The following TAC1 variants were observed in gnomAD, a reference collection of about 807,000 sequenced individuals.
TAC1 encodes the protein protachykinin-1.
TAC1 carries 12 observed loss-of-function variants against 21.7 expected under a neutral mutation model. The ratio of observed to expected loss-of-function variants is 0.55; its 90% CI spans 0.35 to 0.89. The LOEUF (loss-of-function observed/expected upper bound fraction) is 0.89, where lower values mean the gene tolerates loss of function less well. Ranked by LOEUF, TAC1 falls within the 40% of genes least tolerant of loss-of-function variation. The pLI, the probability that TAC1 is intolerant of heterozygous loss-of-function variation, is 0.01. For synonymous variants in TAC1, 52 were observed against 52.0 expected, an observed-to-expected ratio of 1.00 and a Z score of 0.00; for missense variants, 128 against 151.4, an observed-to-expected ratio of 0.85 and a Z score of 0.81.
chr7:97,734,430 G>T (rs1306354685), intron 4 of TAC1, 138 bp downstream of exon 4: 14 of 693,572 alleles, frequency 2.0e-5, no homozygotes, highest in South Asian at 1.5e-4. Flanking sequence ...ACTCTCTCTC[G>T]GTTTCTCTCT....
In TAC1 at chr7:97,736,306, A is replaced by T; in HGVS notation, c.297A>T (p.Lys99Asn). 1 of 1,611,568 alleles carries T rather than the reference A, an allele frequency of 6.2e-7. No homozygotes were observed. Among genetic ancestry groups the T allele is most frequent in the Non-Finnish European group, 8.5e-7 (1 of 1,178,412 alleles). Reference sequence around the variant, plus strand: ...CTAAATGTATTTTTCCAGGACATAAAACAGATTCCTTTGTTGGACTAATGG... The same window carrying T: ...CTAAATGTATTTTTCCAGGACATAATACAGATTCCTTTGTTGGACTAATGG... ...GHGQISHKRHKTDSFVGLMGK... is the reference protein window; with the variant it reads ...GHGQISHKRHNTDSFVGLMGK... The change falls in exon 6 of 7, where the codon AAA (lysine) becomes AAT (asparagine). Residue 99 changes from lysine (K) to asparagine (N), a missense_variant. By Grantham distance (94) the Lys-to-Asn change is moderately conservative. Coordinates refer to ENST00000319273, the MANE Select transcript of TAC1 (RefSeq NM_003182.3).
chr7:97,738,285 C>A (rs1357124038), intron 6 of TAC1, among the ~76,000 whole-genome samples: 1 of 151,932 alleles, frequency 6.6e-6, no homozygotes, highest in African/African-American at 2.4e-5. Context: ...TAGATAGATG[C>A]CCTTTCCCAG....
rs761221593 is a variant in TAC1 at position 97,734,282 on chromosome 7, G to T, written c.255G>T (p.Lys85Asn). ...TTGAAAAACAAGTGGCCCTGTTAAAGGCTCTTTATGGTAAACATTCCTATA... is the reference window on the plus strand; with the variant it reads ...TTGAAAAACAAGTGGCCCTGTTAAATGCTCTTTATGGTAAACATTCCTATA... Reference protein sequence around the residue: ...SSIEKQVALLKALYGHGQISH... With the variant: ...SSIEKQVALLNALYGHGQISH... The change falls in exon 4 of 7, where the codon AAG (lysine) becomes AAT (asparagine). Residue 85 changes from lysine to asparagine, a missense_variant. Physicochemically the swap from Lys to Asn is moderately conservative, Grantham distance 94. Transcript: ENST00000319273. 5 of 1,613,396 alleles carry T rather than the reference G, an allele frequency of 3.1e-6. No homozygotes were observed. The South Asian group carries it at 5.5e-5, about 18-fold the overall frequency.
At position 97,739,947 on chromosome 7, in the gene TAC1, C is replaced by T. The variant is rs148763537; in HGVS notation, c.*27C>T. ...AAACTACCTAACATTATTTATTCAG[C>T]TTCATTTGTGTCAATGGGCAATGAC... is the stretch of plus-strand genomic sequence containing the variant. On this transcript the variant is annotated 3_prime_UTR_variant, in exon 7 of 7. Coordinates refer to ENST00000319273, the MANE Select transcript of TAC1 (RefSeq NM_003182.3). 1,532 of 1,553,242 alleles carry T rather than the reference C, an allele frequency of 9.9e-4. 25 individuals are homozygous for T. The African/African-American group carries it at 0.019, about 19-fold the overall frequency.
intron 3 of TAC1, 97 bp downstream of exon 3, chr7:97,733,916 T>A (rs759604110): frequency 1.9e-4 from 237 of 1,235,068 alleles, no homozygotes; most frequent in Non-Finnish European, 2.7e-4. Flanking sequence ...TGAATAGAGA[T>A]TTCCACTCCA....
chr7:97,733,865 T>C lies in TAC1; in HGVS notation c.220+46T>C, dbSNP rs376044942. 4.5e-6 allele frequency: 7 copies of C among 1,562,758 alleles called. No homozygotes were observed. The African/African-American group carries it at 6.8e-5, about 15-fold the overall frequency. On this transcript the variant is annotated intron_variant, in intron 3 of 6. Transcript: ENST00000319273. ...TAGGTGTCTTGGGCAGCCCGCCCTG[T>C]CTGCTCACTCCTTCCTGGAGTACCC...
chr7:97,734,000 G>A, intron 3 of TAC1, 181 bp downstream of exon 3: 1 of 701,320 alleles, frequency 1.4e-6, no homozygotes, highest in East Asian at 2.7e-5. Flanking sequence ...CGGGGGGAGG[G>A]AAAGATCTGG....
At chr7:97,736,559 A>G (rs989727354) in intron 6 of TAC1, among the ~76,000 whole-genome samples, 4 of 152,176 alleles carry the variant, frequency 2.6e-5, no homozygotes, top group Middle Eastern at 3.4e-3. Flanking sequence ...TTTCTCTCCA[A>G]TCACCATTCT....
At chr7:97,735,826 C>T (rs1484238917) in intron 5 of TAC1, among the ~76,000 whole-genome samples, 1 of 151,900 alleles carries the variant, frequency 6.6e-6, no homozygotes, top group Non-Finnish European at 1.5e-5. Context: ...CTTTTAATAT[C>T]CAATAAAATA....
chr7:97,732,944 C>T lies in TAC1; in HGVS notation c.123+209C>T. 2 of 623,570 alleles carry T rather than the reference C, an allele frequency of 3.2e-6. No individual in the cohort carries two copies. Among genetic ancestry groups the T allele is most frequent in the Non-Finnish European group, 2.7e-6 (1 of 375,808 alleles). The allele number at this position is 623,570 out of a possible 1,614,324, so 38.6% of individuals were successfully genotyped here. ...GATTCAAGTTTCTTCCCGAGGGCTG[C>T]ACCGTCCGGCCCAGGAACTCCCTGC... On this transcript the variant is annotated intron_variant, in intron 2 of 6. Coordinates refer to ENST00000319273, the MANE Select transcript of TAC1 (RefSeq NM_003182.3). The surrounding 1 kb of genome is among the most constrained non-coding windows in gnomAD (Gnocchi z 6.2).
Position 97,740,244 on chromosome 7 carries a change from GA to G in TAC1, c.*328del. ...TGAAGCAGTTGTGTCAGCTACTGCG[GA>G]AAAGGAAGGAAACTCCTGACAGTCT... On this transcript the variant is annotated 3_prime_UTR_variant, in exon 7 of 7. Transcript: ENST00000319273. 5.5e-6 allele frequency: 1 copy of G among 180,982 alleles called. No homozygotes were observed. Among genetic ancestry groups the G allele is most frequent in the Non-Finnish European group, 1.2e-5 (1 of 86,914 alleles). 11.2% of individuals were successfully genotyped at this position (180,982 alleles called of 1,614,324 possible).
In TAC1 at chr7:97,733,734, G is replaced by A. The variant is rs1435591375; in HGVS notation, c.135G>A (p.Pro45=). 2 of 1,613,940 alleles carry A rather than the reference G, an allele frequency of 1.2e-6. No homozygotes were observed. The highest frequency in any genetic ancestry group is 1.1e-5 in the South Asian group (1 of 91,092). Residue 45 remains proline, a synonymous_variant, in exon 3 of 7, where the codon CCG becomes CCA. Transcript: ENST00000319273. ...CTTTTGTCTCCCAGGAGGAACTGCC[G>A]GAGCCCTTTGAGCATCTTCTGCAGA... ...YDSDQIKEEL[P]EPFEHLLQRI... is the part of the protein sequence containing the mutation.
chr7:97,735,138 A>G (rs2115837389), intron 5 of TAC1, among the ~76,000 whole-genome samples: 1 of 152,268 alleles, frequency 6.6e-6, no homozygotes, highest in Non-Finnish European at 1.5e-5. Flanking sequence ...AATCTACCAT[A>G]CATATTTCTT....
Position 97,734,815 on chromosome 7 carries a change from CT to C in TAC1, c.266-8del. ...ATCTATATGTGTTTGCTAATTTTAT[CT>C]TTCTTCTAGGACATGGCCAGATCTC... On this transcript the variant is annotated splice_polypyrimidine_tract_variant and intron_variant, in intron 4 of 6. Coordinates refer to ENST00000319273, the MANE Select transcript of TAC1 (RefSeq NM_003182.3). 1.3e-6 allele frequency: 2 copies of C among 1,589,066 alleles called. No homozygotes were observed. Among genetic ancestry groups the C allele is most frequent in the Non-Finnish European group, 8.6e-7 (1 of 1,162,914 alleles).
At chr7:97,738,883 G>A (rs1338220523) in intron 6 of TAC1, among the ~76,000 whole-genome samples, 1 of 151,594 alleles carries the variant, frequency 6.6e-6, no homozygotes, top group African/African-American at 2.4e-5. Context: ...TATACCATAC[G>A]TCTAAGTCTA....
chr7:97,734,146 C>A, intron 3 of TAC1, 102 bp from the exon 4 acceptor site: 1 of 1,170,252 alleles, frequency 8.5e-7, no homozygotes, highest in Non-Finnish European at 1.3e-6. Context: ...ATAGCATTCC[C>A]TGAGGTGAGA....
At position 97,736,082 on chromosome 7, in the gene TAC1, A is replaced by G. The variant is rs2115840499; in HGVS notation, c.290-217A>G. The stretch of plus-strand genomic sequence containing the variant: ...ATATGAATAGAGAGTGCTTGCTAAT[A>G]TTAAATATAGAATTAAGAAAAGTGG... On this transcript the variant is annotated intron_variant, in intron 5 of 6. Coordinates refer to ENST00000319273, the MANE Select transcript of TAC1 (RefSeq NM_003182.3). Among the ~76,000 whole-genome samples the G allele has an allele frequency of 2.6e-5, 4 of 152,222 alleles. No individual in the cohort carries two copies. The Middle Eastern group carries it at 0.014, about 521-fold the overall frequency.
chr7:97,736,175 A>G (rs2115840813), intron 5 of TAC1, 124 bp from the exon 6 acceptor site: 3 of 710,054 alleles, frequency 4.2e-6, no homozygotes, highest in Non-Finnish European at 6.7e-6. Context: ...AGTCTCACCA[A>G]AACTTGAAGT....
At chr7:97,736,441 G>C (rs1409776151) in intron 6 of TAC1, 89 bp downstream of exon 6, 2 of 1,233,830 alleles carry the variant, frequency 1.6e-6, no homozygotes, top group Non-Finnish European at 2.3e-6. Context: ...TTAAAAAGGA[G>C]TGGTAGATAT....
Sources: allele counts gnomAD v4.1 joint callset (sites outside exome capture counted in the v4.1 genomes callset), GRCh38; gene constraint gnomAD v4.1.1; non-coding constraint Gnocchi (gnomAD v3.1); transcripts MANE v1.5; gene names NCBI Gene and HGNC (gene_info 2026-07-23, HGNC 2026-07-21).